PDE3A: variants seen among roughly 807,000 people sequenced by gnomAD.
PDE3A encodes cGMP-inhibited 3',5'-cyclic phosphodiesterase 3A.
In PDE3A, 43 loss-of-function variants were observed where a neutral mutation model predicts 98.3. The ratio of observed to expected loss-of-function variants is 0.44; its 90% CI spans 0.34 to 0.56. The LOEUF is 0.56. Ranked by LOEUF, PDE3A falls within the 20% of genes least tolerant of loss-of-function variation. The pLI is 0.01. For synonymous variants in PDE3A, 663 were observed against 567.9 expected, an observed-to-expected ratio of 1.17 and a Z score of -2.38; for missense variants, 1,427 against 1,440.7, an observed-to-expected ratio of 0.99 and a Z score of 0.15.
chr12:20,456,626 G>T (rs1213320005), intron 1 of PDE3A, among the ~76,000 whole-genome samples: 1 of 152,086 alleles, frequency 6.6e-6, no homozygotes, highest in Non-Finnish European at 1.5e-5. Flanking sequence ...TGGTAATAAA[G>T]AATTATTACC....
chr12:20,521,374 G>T (rs1358019354), intron 1 of PDE3A, among the ~76,000 whole-genome samples: 1 of 152,088 alleles, frequency 6.6e-6, no homozygotes, highest in African/African-American at 2.4e-5. Context: ...CTTAGATGTT[G>T]GGAGTGTAAT....
At chr12:20,459,278 G>A (rs998889453) in intron 1 of PDE3A, among the ~76,000 whole-genome samples, 22 of 151,892 alleles carry the variant, frequency 1.4e-4, no homozygotes, top group African/African-American at 4.4e-4. Flanking sequence ...CAACTATCCC[G>A]GAGGTAGACT....
At chr12:20,584,989 A>G (rs1943157990) in intron 2 of PDE3A, among the ~76,000 whole-genome samples, 1 of 152,222 alleles carries the variant, frequency 6.6e-6, no homozygotes, top group Admixed American at 6.5e-5. Context: ...TATAGAAAAT[A>G]CGTTAGAACT....
chr12:20,676,078 CTTA>C (rs1945630532), intron 15 of PDE3A, among the ~76,000 whole-genome samples: 1 of 151,926 alleles, frequency 6.6e-6, no homozygotes, highest in African/African-American at 2.4e-5. Context: ...CTCTCTCTGT[CTTA>C]TTGTTTATCA....
At chr12:20,537,492 C>T (rs535833482) in intron 1 of PDE3A, among the ~76,000 whole-genome samples, 16 of 152,022 alleles carry the variant, frequency 1.1e-4, no homozygotes, top group South Asian at 2.1e-4. Flanking sequence ...TATTTATTTT[C>T]GTATTTTCTG....
chr12:20,546,126 T>TA (rs1045092192), intron 1 of PDE3A, among the ~76,000 whole-genome samples: 3 of 151,914 alleles, frequency 2.0e-5, no homozygotes, highest in South Asian at 2.1e-4. Flanking sequence ...AGCAGAGATT[T>TA]AAAAAAAATT....
At chr12:20,625,289 A>G (rs1411557647) in intron 5 of PDE3A, among the ~76,000 whole-genome samples, 1 of 152,180 alleles carries the variant, frequency 6.6e-6, no homozygotes, top group Non-Finnish European at 1.5e-5. Context: ...AGTATGAGTC[A>G]CTGACATTGT....
intron 2 of PDE3A, among the ~76,000 whole-genome samples, chr12:20,575,216 C>A (rs1342791671): frequency 1.3e-5 from 2 of 151,908 alleles, no homozygotes; most frequent in Admixed American, 1.3e-4. Context: ...CAAAGTTGTT[C>A]TTACTAAAAT....
intron 2 of PDE3A, among the ~76,000 whole-genome samples, chr12:20,570,664 A>C (rs1199651621): frequency 1.3e-5 from 2 of 152,150 alleles, no homozygotes; most frequent in African/African-American, 4.8e-5. Flanking sequence ...CAACTTCGTA[A>C]GCATTCATTT....
At chr12:20,623,455 T>A (rs1283386865) in intron 5 of PDE3A, among the ~76,000 whole-genome samples, 4 of 152,112 alleles carry the variant, frequency 2.6e-5, no homozygotes, top group Admixed American at 6.6e-5. Context: ...AGCAGAGTTG[T>A]CAGAAATACT....
intron 2 of PDE3A, among the ~76,000 whole-genome samples, chr12:20,563,877 A>C (rs1942591186): frequency 6.6e-6 from 1 of 152,140 alleles, no homozygotes; most frequent in Non-Finnish European, 1.5e-5. Flanking sequence ...TCAGTTCTGC[A>C]CTATTGGACA....
rs147129590 is a variant in PDE3A, at chr12:20,424,091, C to A, written c.960+53847C>A. Among the ~76,000 whole-genome samples, 54 of 150,096 alleles carry A rather than the reference C, an allele frequency of 3.6e-4. 1 individual carries two copies. The East Asian group carries it at 5.0e-3, about 14-fold the overall frequency. ...TGGATTTTTGCAGTTTCATGCATAA[C>A]CGTAAGTGCAGTATTAAAAAAATAC... On this transcript the variant is annotated intron_variant, in intron 1 of 15. Transcript: ENST00000359062.
intron 8 of PDE3A, 62 bp from the exon 9 acceptor site, chr12:20,637,038 G>A: frequency 1.7e-6 from 2 of 1,168,556 alleles, no homozygotes; most frequent in Non-Finnish European, 1.2e-6. Flanking sequence ...ATTTAGCAAA[G>A]CACAAATTGC....
intron 2 of PDE3A, among the ~76,000 whole-genome samples, chr12:20,599,478 C>T (rs1475893165): frequency 6.6e-6 from 1 of 152,138 alleles, no homozygotes; most frequent in Non-Finnish European, 1.5e-5. Context: ...GCCCACATCA[C>T]GTTTTCAGCA....
intron 1 of PDE3A, among the ~76,000 whole-genome samples, chr12:20,429,776 T>C (rs924146188): frequency 6.6e-5 from 10 of 152,188 alleles, no homozygotes; most frequent in African/African-American, 2.4e-4. Context: ...TGATGTTTTA[T>C]TTTTTACCTT....
At chr12:20,596,464 A>G (rs1282154376) in intron 2 of PDE3A, among the ~76,000 whole-genome samples, 1 of 152,192 alleles carries the variant, frequency 6.6e-6, no homozygotes, top group Non-Finnish European at 1.5e-5. Context: ...TAAGATTACA[A>G]CTGAAACCAG....
intron 3 of PDE3A, among the ~76,000 whole-genome samples, chr12:20,615,848 C>T (rs1314244277): frequency 1.3e-5 from 2 of 152,134 alleles, no homozygotes; most frequent in Non-Finnish European, 2.9e-5. Context: ...GCCTCAGCCT[C>T]CCGAGCAACT....
intron 2 of PDE3A, among the ~76,000 whole-genome samples, chr12:20,599,553 T>A (rs1943540529): frequency 6.6e-6 from 1 of 152,198 alleles, no homozygotes; most frequent in South Asian, 2.1e-4. Context: ...TATAAAAATT[T>A]GTTTAACTTC....
chr12:20,613,532 AC>A lies in PDE3A; in HGVS notation c.1103del (p.Pro368GlnfsTer7). 1 of 1,614,022 alleles carries A rather than the reference AC, an allele frequency of 6.2e-7. No individual in the cohort carries two copies. The highest frequency in any genetic ancestry group is 8.5e-7 in the Non-Finnish European group (1 of 1,179,964). ...ACCTCCTGGCAGACCCTTCTCTTCC[AC>A]CAAACGTGTGCACATCCTTGAGAGC... ...TDLLADPSLP[P>X]NVCTSLRAVS... is the part of the protein sequence containing the mutation. On this transcript the variant is annotated frameshift_variant, in exon 3 of 16. Coordinates refer to ENST00000359062, the MANE Select transcript of PDE3A (RefSeq NM_000921.5). LOFTEE classifies it high-confidence loss of function.
Sources: gnomAD v4.1 joint callset for allele counts (sites outside exome capture counted in the v4.1 genomes callset) on GRCh38, gnomAD v4.1.1 for gene constraint, MANE v1.5 for transcripts, NCBI Gene and HGNC (gene_info 2026-07-23, HGNC 2026-07-21) for gene names.